Variants in ATRN observed in about 807,000 individuals in gnomAD.
The protein encoded by ATRN is attractin-2.
A neutral mutation model predicts 178.7 loss-of-function variants in ATRN; 54 were observed. That is an observed-to-expected ratio of 0.30 (90% CI 0.24 to 0.38). ATRN has a LOEUF of 0.38. ATRN is among the 10% of genes least tolerant of loss of function. The pLI, the probability that ATRN is intolerant of heterozygous loss-of-function variation, is 1.00. For missense variants in ATRN, 1,443 were observed against 1,815.1 expected (o/e 0.79, Z 3.73); for synonymous variants, 636 against 663.0 (o/e 0.96, Z 0.63).
chr20:3,493,086 TATATATA>T (rs2084828863), intron 1 of ATRN, among the ~76,000 whole-genome samples: 2 of 142,436 alleles, frequency 1.4e-5, no homozygotes, highest in Admixed American at 7.2e-5. Context: ...TATAATTTAA[TATATATA>T]ATATATATAC....
intron 1 of ATRN, among the ~76,000 whole-genome samples, chr20:3,473,781 A>G (rs1399028740): frequency 6.6e-6 from 1 of 152,188 alleles, no homozygotes; most frequent in African/African-American, 2.4e-5. Flanking sequence ...TGTAATGTTC[A>G]GAGTAGGTAC....
intron 27 of ATRN, among the ~76,000 whole-genome samples, chr20:3,643,161 T>C (rs918492790): frequency 1.3e-5 from 2 of 152,050 alleles, no homozygotes; most frequent in African/African-American, 4.8e-5. Flanking sequence ...CCCCAGAGTC[T>C]CCAACTAAGA....
intron 1 of ATRN, among the ~76,000 whole-genome samples, chr20:3,488,415 C>T (rs2084728518): frequency 6.6e-6 from 1 of 152,088 alleles, no homozygotes; most frequent in African/African-American, 2.4e-5. Flanking sequence ...TATGCATATT[C>T]AGATTCACAT....
intron 2 of ATRN, among the ~76,000 whole-genome samples, chr20:3,536,699 T>G (rs532289944): frequency 7.9e-5 from 12 of 152,248 alleles, no homozygotes; most frequent in Non-Finnish European, 1.6e-4. Flanking sequence ...GCAAATCTCT[T>G]TAATGTGTAG....
chr20:3,524,785 A>G (rs1236037310), intron 1 of ATRN, among the ~76,000 whole-genome samples: 2 of 152,222 alleles, frequency 1.3e-5, no homozygotes, highest in Non-Finnish European at 2.9e-5. Context: ...TGGAAACTGA[A>G]CAACCTTCTC....
chr20:3,616,953 T>C (rs912890615), intron 24 of ATRN, among the ~76,000 whole-genome samples: 23 of 22,448 alleles, frequency 1.0e-3, no homozygotes, highest in Non-Finnish European at 2.1e-3. Flanking sequence ...AGGATCGCAT[T>C]TTTATCCCTC....
chr20:3,570,070 CAAA>C (rs796676311), intron 11 of ATRN, among the ~76,000 whole-genome samples: 2 of 132,560 alleles, frequency 1.5e-5, no homozygotes, highest in African/African-American at 2.8e-5. Flanking sequence ...GACTCTAACT[CAAA>C]AAAAAAAAAA....
intron 25 of ATRN, 66 bp from the exon 26 acceptor site, chr20:3,634,245 T>G: frequency 6.7e-7 from 1 of 1,486,298 alleles, no homozygotes; most frequent in Non-Finnish European, 9.4e-7. Context: ...TGGCCTGAGG[T>G]GTGGGCAACG....
rs112041799 is a variant in ATRN at position 3,644,007 on chromosome 20, T to A, written c.4051-147T>A. ...TCAGAGAGTACTGTTAGCTCTCTCCTGCCCTTTTTCATTATCTTAAAAACT... is the reference window on the plus strand; with the variant it reads ...TCAGAGAGTACTGTTAGCTCTCTCCAGCCCTTTTTCATTATCTTAAAAACT... On this transcript the variant is annotated intron_variant, in intron 27 of 28. Coordinates refer to ENST00000262919, the MANE Select transcript of ATRN (RefSeq NM_139321.3). 3.5e-4 allele frequency: 215 copies of A among 607,862 alleles called. 1 individual carries two copies. In the African/African-American group the frequency reaches 3.6e-3, roughly 10 times the overall value. The allele number at this position is 607,862 out of a possible 1,614,324, so 37.7% of individuals were successfully genotyped here. A position where few individuals can be genotyped will look rare whatever the true frequency, so the allele number is the denominator to read the frequency against.
intron 19 of ATRN, 144 bp from the exon 20 acceptor site, chr20:3,594,335 A>T (rs1405954889): frequency 3.7e-6 from 2 of 539,608 alleles, no homozygotes; most frequent in African/African-American, 3.8e-5. Flanking sequence ...AAAAATCATG[A>T]ATCTTACCCA....
intron 1 of ATRN, among the ~76,000 whole-genome samples, chr20:3,493,413 G>C (rs1035870136): frequency 3.3e-5 from 5 of 151,528 alleles, no homozygotes; most frequent in Non-Finnish European, 7.4e-5. Flanking sequence ...ATCTGCATCG[G>C]CCTCCCATAG....
intron 1 of ATRN, among the ~76,000 whole-genome samples, chr20:3,501,989 T>C (rs917208426): frequency 6.6e-6 from 1 of 152,146 alleles, no homozygotes; most frequent in Non-Finnish European, 1.5e-5. Flanking sequence ...GAAGCCCAGC[T>C]TTCACATTAC....
intron 1 of ATRN, among the ~76,000 whole-genome samples, chr20:3,481,727 C>T (rs1464065051): frequency 6.8e-6 from 1 of 147,084 alleles, no homozygotes; most frequent in African/African-American, 2.5e-5. Flanking sequence ...TATTTACATG[C>T]TTACCTATTG....
intron 1 of ATRN, among the ~76,000 whole-genome samples, chr20:3,512,972 A>G (rs1236198872): frequency 6.6e-6 from 1 of 151,706 alleles, no homozygotes; most frequent in African/African-American, 2.4e-5. Flanking sequence ...TTTTTCTTGT[A>G]AATTTGTTTG....
At position 3,647,018 on chromosome 20, in the gene ATRN, C is replaced by A; in HGVS notation, c.*171C>A. On this transcript the variant is annotated 3_prime_UTR_variant, in exon 29 of 29. Coordinates refer to ENST00000262919, the MANE Select transcript of ATRN (RefSeq NM_139321.3). The stretch of plus-strand genomic sequence containing the variant: ...ACAAGCTTTCTTTGACGGTTTCTCC[C>A]ATCCGTGTTCCAGCATCTAACCTTT... The A allele has an allele frequency of 1.2e-6, 1 of 863,582 alleles. No individual in the cohort carries two copies. Among genetic ancestry groups the A allele is most frequent in the South Asian group, 2.1e-5 (1 of 47,496 alleles). The allele number at this position is 863,582 out of a possible 1,614,324, so 53.5% of individuals were successfully genotyped here.
chr20:3,492,818 G>C (rs746924989), intron 1 of ATRN, among the ~76,000 whole-genome samples: 1 of 150,176 alleles, frequency 6.7e-6, no homozygotes, highest in Non-Finnish European at 1.5e-5. Context: ...TGTCCAGAGA[G>C]AGAGAGAAAT....
chr20:3,629,357 G>A, intron 25 of ATRN: 1 of 948,932 alleles, frequency 1.1e-6, no homozygotes, highest in Non-Finnish European at 1.3e-6. Flanking sequence ...TCTGCTACCA[G>A]GACCATCTCC....
intron 1 of ATRN, among the ~76,000 whole-genome samples, chr20:3,482,864 CTA>C (rs2084640810): frequency 6.6e-6 from 1 of 152,170 alleles, no homozygotes; most frequent in Non-Finnish European, 1.5e-5. Flanking sequence ...TCTGAACTAA[CTA>C]TAACTTCCTA....
At chr20:3,481,265 T>C (rs1174423119) in intron 1 of ATRN, among the ~76,000 whole-genome samples, 1 of 152,216 alleles carries the variant, frequency 6.6e-6, no homozygotes, top group Non-Finnish European at 1.5e-5. Context: ...CTGCTTTTCT[T>C]TTATCACTGA....
Sources: allele counts gnomAD v4.1 joint callset (sites outside exome capture counted in the v4.1 genomes callset), GRCh38; gene constraint gnomAD v4.1.1; transcripts MANE v1.5; gene names NCBI Gene and HGNC (gene_info 2026-07-23, HGNC 2026-07-21).